The following RAB3IL1 variants were observed in gnomAD, a reference collection of about 807,000 sequenced individuals.
The protein encoded by RAB3IL1 is guanine nucleotide exchange factor for Rab-3A.
A neutral mutation model predicts 49.2 loss-of-function variants in RAB3IL1; 37 were observed. That is an observed-to-expected ratio of 0.75 (90% CI 0.58 to 0.99). The LOEUF (loss-of-function observed/expected upper bound fraction) is 0.99. Ranked by LOEUF, RAB3IL1 falls within the 50% of genes least tolerant of loss-of-function variation. RAB3IL1 has a pLI of 0.00. For synonymous variants in RAB3IL1, 193 were observed against 213.9 expected (o/e 0.90, Z 0.85); for missense variants, 484 against 513.0 (o/e 0.94, Z 0.55).
upstream of RAB3IL1, chr11:61,917,623 C>T: frequency 5.0e-6 from 5 of 1,004,076 alleles, no homozygotes; most frequent in Non-Finnish European, 6.0e-6. Context: ...CTCCGCCGGC[C>T]CGGCGCTGGG....
At chr11:61,918,671 C>T (rs951985266), upstream of RAB3IL1, among the ~76,000 whole-genome samples, 2 of 152,248 alleles carry the variant, frequency 1.3e-5, no homozygotes, top group African/African-American at 2.4e-5. Context: ...AAGACCTCCA[C>T]GTCCAGGGCA....
the RAB3IL1 span, among the ~76,000 whole-genome samples, chr11:61,935,511 ATTAG>A: frequency 1.3e-5 from 2 of 151,664 alleles, no homozygotes; most frequent in Non-Finnish European, 2.9e-5. Context: ...ATTTTATTGT[ATTAG>A]TTAATTAATT....
chr11:61,904,457 T>C, intron 7 of RAB3IL1, 89 bp downstream of exon 7: 1 of 1,279,944 alleles, frequency 7.8e-7, no homozygotes, highest in Non-Finnish European at 1.1e-6. Context: ...TCGGCGCTGC[T>C]GCATCCTGAC....
At chr11:61,917,576 G>C (rs925440956), upstream of RAB3IL1, 33 of 1,080,376 alleles carry the variant, frequency 3.1e-5, no homozygotes, top group Admixed American at 2.1e-4. Context: ...CGTGGCGGAG[G>C]GGGGAGCGGC....
At chr11:61,911,946 AG>A (rs1939470144) in intron 1 of RAB3IL1, among the ~76,000 whole-genome samples, 1 of 152,086 alleles carries the variant, frequency 6.6e-6, no homozygotes, top group Non-Finnish European at 1.5e-5. Flanking sequence ...CAAAATAAGA[AG>A]GAGACCTAGA....
chr11:61,909,176 G>A (rs544657483), intron 1 of RAB3IL1, among the ~76,000 whole-genome samples: 3 of 152,278 alleles, frequency 2.0e-5, no homozygotes, highest in African/African-American at 7.2e-5. Context: ...CTTCTGAGCC[G>A]CAGCAACCAG....
rs1466259451 is a variant in RAB3IL1 at position 61,909,198 on chromosome 11, G to A, written c.12-892C>T. 8.5e-5 allele frequency among the ~76,000 whole-genome samples: 13 copies of A among 152,330 alleles called. No individual in the cohort carries two copies. The East Asian group carries it at 2.5e-3, about 29-fold the overall frequency. Reference sequence around the variant, plus strand: ...GCCGCAGCAACCAGGGCTGGGGATGGGGGGCTGGGCGGGCCACTGATATCA... The same window carrying A: ...GCCGCAGCAACCAGGGCTGGGGATGAGGGGCTGGGCGGGCCACTGATATCA... On this transcript the variant is annotated intron_variant, in intron 1 of 9. Transcript: ENST00000394836.
chr11:61,926,104 C>CAAAAA, the RAB3IL1 span, among the ~76,000 whole-genome samples: 703 of 63,744 alleles, frequency 0.011, 41 homozygotes, highest in African/African-American at 0.027. Flanking sequence ...TCCTTCCTGC[C>CAAAAA]AAAAAAAAAA....
In RAB3IL1 at chr11:61,906,675, G is replaced by C; in HGVS notation, c.448C>G (p.Leu150Val). 12 of 1,608,412 alleles carry C rather than the reference G, an allele frequency of 7.5e-6. No individual in the cohort carries two copies. Among genetic ancestry groups the C allele is most frequent in the Non-Finnish European group, 1.0e-5 (12 of 1,177,896 alleles). ...TTCAAGGCTGTCACCTCTGCCTGCA[G>C]CATGTCGATCTGCATGGGATGGGAT... ...LKEARGKIDM[L>V]QAEVTALKTL... Residue 150 changes from leucine to valine, a missense_variant, in exon 5 of 10, where the codon CTG becomes GTG. Physicochemically the swap from Leu to Val is conservative, Grantham distance 32 (BLOSUM62 1). Transcript: ENST00000394836. The surrounding 1 kb of genome is among the most constrained non-coding windows in gnomAD (Gnocchi z 4.6).
At chr11:61,918,753 G>A (rs1186103833), upstream of RAB3IL1, among the ~76,000 whole-genome samples, 1 of 152,232 alleles carries the variant, frequency 6.6e-6, no homozygotes, top group East Asian at 1.9e-4. Context: ...GTGGAGGCGA[G>A]GCTGGATTCT....
chr11:61,932,134 C>T, the RAB3IL1 span, among the ~76,000 whole-genome samples: 2 of 151,900 alleles, frequency 1.3e-5, no homozygotes, highest in Non-Finnish European at 2.9e-5. Context: ...GCCTGTAGTC[C>T]CAGCTACTCG....
At chr11:61,945,867 T>C in the RAB3IL1 span, 8 of 936,706 alleles carry the variant, frequency 8.5e-6, no homozygotes, top group Non-Finnish European at 1.0e-5. Flanking sequence ...TCTGGTCTAT[T>C]CCATGCTATT....
the RAB3IL1 span, among the ~76,000 whole-genome samples, chr11:61,944,633 T>C: frequency 6.6e-6 from 1 of 152,186 alleles, no homozygotes; most frequent in South Asian, 2.1e-4. Flanking sequence ...AATTATTCAC[T>C]TTTCTATCTG....
At chr11:61,935,583 C>T in the RAB3IL1 span, among the ~76,000 whole-genome samples, 4 of 151,970 alleles carry the variant, frequency 2.6e-5, no homozygotes, top group African/African-American at 9.7e-5. Context: ...GGCACTATCT[C>T]AGCTAACTGC....
chr11:61,944,272 C>CCTTTCTTCCTTCCTTCCTTCCT, the RAB3IL1 span, among the ~76,000 whole-genome samples: 1 of 14,678 alleles, frequency 6.8e-5, no homozygotes, highest in East Asian at 5.1e-4. Context: ...CCTTCCTTCC[C>CCTTTCTTCCTTCCTTCCTTCCT]TCCTTTGTTG....
chr11:61,923,358 G>A (rs538417660), upstream of RAB3IL1, among the ~76,000 whole-genome samples: 199 of 152,150 alleles, frequency 1.3e-3, 2 homozygotes, highest in Admixed American at 5.0e-3. Flanking sequence ...GCCTGAAGTC[G>A]CCTCCCCTTC....
At chr11:61,933,525 G>T in the RAB3IL1 span, among the ~76,000 whole-genome samples, 2 of 152,264 alleles carry the variant, frequency 1.3e-5, no homozygotes, top group African/African-American at 4.8e-5. Flanking sequence ...GTTGTTTAGA[G>T]TCACGTAGTT....
upstream of RAB3IL1, among the ~76,000 whole-genome samples, chr11:61,918,193 C>T (rs1175329392): frequency 3.9e-5 from 6 of 152,110 alleles, no homozygotes; most frequent in African/African-American, 1.2e-4. Context: ...CCACATCCTC[C>T]GTGAAACCTT....
At chr11:61,931,672 A>G in the RAB3IL1 span, among the ~76,000 whole-genome samples, 6 of 152,160 alleles carry the variant, frequency 3.9e-5, no homozygotes, top group South Asian at 6.2e-4. Flanking sequence ...AGGAGGAGGA[A>G]GAAGGAGAGG....
Sources: allele counts gnomAD v4.1 joint callset (sites outside exome capture counted in the v4.1 genomes callset), GRCh38; gene constraint gnomAD v4.1.1; non-coding constraint Gnocchi (gnomAD v3.1); transcripts MANE v1.5; gene names NCBI Gene and HGNC (gene_info 2026-07-23, HGNC 2026-07-21).